Variants in WNK1 observed in about 807,000 individuals in gnomAD.
WNK1 encodes the protein serine/threonine-protein kinase WNK1.
In WNK1, 38 loss-of-function variants were observed where a neutral mutation model predicts 222.8. The ratio of observed to expected loss-of-function variants is 0.17; its 90% CI spans 0.13 to 0.22. The LOEUF (loss-of-function observed/expected upper bound fraction) is 0.22, where lower values mean the gene tolerates loss of function less well. WNK1 is among the 10% of genes least tolerant of loss of function. The pLI, the probability that WNK1 is intolerant of heterozygous loss-of-function variation, is 1.00. For synonymous variants in WNK1, 1,090 were observed against 1,092.9 expected, an observed-to-expected ratio of 1.00 and a Z score of 0.05; for missense variants, 2,348 against 2,918.4, an observed-to-expected ratio of 0.80 and a Z score of 4.50.
rs190872178 is a variant in WNK1 at position 900,821 on chromosome 12, G to A, written c.6643+151G>A. Reference sequence around the variant, plus strand: ...AAGAATCTGGGTGAAAAGGGAAGTGGAGTGATAATGAGAATCGGTGGGCTC... The same window carrying A: ...AAGAATCTGGGTGAAAAGGGAAGTGAAGTGATAATGAGAATCGGTGGGCTC... On this transcript the variant is annotated intron_variant, in intron 26 of 27. Transcript: ENST00000315939. 18 of 944,146 alleles carry A rather than the reference G, an allele frequency of 1.9e-5. No homozygotes were observed. In the East Asian group the frequency reaches 4.4e-4, roughly 23 times the overall value. The allele number at this position is 944,146 out of a possible 1,614,324, so 58.5% of individuals were successfully genotyped here.
chr12:816,119 G>A (rs1024078647), intron 2 of WNK1, among the ~76,000 whole-genome samples: 8 of 152,162 alleles, frequency 5.3e-5, no homozygotes, highest in Non-Finnish European at 1.0e-4. Context: ...TGAACTATCC[G>A]TGAAAAGAGA....
intron 20 of WNK1, among the ~76,000 whole-genome samples, chr12:887,617 T>G (rs1953795995): frequency 6.6e-6 from 1 of 152,164 alleles, no homozygotes; most frequent in African/African-American, 2.4e-5. Context: ...CTCACACTTC[T>G]GTAGAATAGC....
chr12:868,978 C>T, intron 8 of WNK1: 1 of 1,598,010 alleles, frequency 6.3e-7, no homozygotes, highest in Non-Finnish European at 8.5e-7. Flanking sequence ...TCTCAATGCC[C>T]TTTATCCATC....
At position 896,662 on chromosome 12, in the gene WNK1, A is replaced by G. The variant is rs1298904248; in HGVS notation, c.6175A>G (p.Met2059Val). Residue 2059 changes from methionine (M) to valine (V), a missense_variant, in exon 24 of 28, where the codon ATG becomes GTG. Met to Val is a conservative substitution (Grantham distance 21, BLOSUM62 1). This residue lies in a region of WNK1 where 1,144 missense variants were observed against 1,273.6 expected (regional missense o/e 0.90). Coordinates refer to ENST00000315939, the MANE Select transcript of WNK1 (RefSeq NM_018979.4). ...SLSNSFNSSY[M>V]SSDNESDIED... ...TAGTAATTCATTTAACTCCTCTTAC[A>G]TGAGTAGCGACAATGAGTCAGATAT... 3.1e-6 allele frequency: 5 copies of G among 1,610,290 alleles called. No individual in the cohort carries two copies. The highest frequency in any genetic ancestry group is 2.2e-5 in the East Asian group (1 of 44,852).
At chr12:867,689 A>G in intron 8 of WNK1, 1 of 702,904 alleles carries the variant, frequency 1.4e-6, no homozygotes. Context: ...TTGGCCCTGG[A>G]TGTATTTAAT....
At chr12:846,747 C>A (rs1235479664) in intron 4 of WNK1, among the ~76,000 whole-genome samples, 1 of 152,154 alleles carries the variant, frequency 6.6e-6, no homozygotes, top group Admixed American at 6.5e-5. Context: ...AAAAACAGAA[C>A]TAAAGCCATT....
chr12:884,308 T>A lies in WNK1; in HGVS notation c.3844+65T>A, dbSNP rs1953456119. The A allele has an allele frequency of 1.9e-6, 3 of 1,606,542 alleles. No individual in the cohort carries two copies. The highest frequency in any genetic ancestry group is 8.5e-7 in the Non-Finnish European group (1 of 1,174,252). ...CAGTGCCTCTGCTATGTTGAAAGCT[T>A]AATCATAAAGCAGTAATTTATGATG... is the stretch of plus-strand genomic sequence containing the variant. On this transcript the variant is annotated intron_variant, in intron 18 of 27. Coordinates refer to ENST00000315939, the MANE Select transcript of WNK1 (RefSeq NM_018979.4). The surrounding 1 kb of genome is among the most constrained non-coding windows in gnomAD (Gnocchi z 5.6).
rs1406280473 is a variant in WNK1, at chr12:827,087, C to G, written c.978C>G (p.Ser326Arg). ...FKVMKIKVLR[S>R]WCRQILKGLQ... ...TGATGAAGATCAAAGTTCTAAGAAG[C>G]TGGTGCCGTCAGATCCTTAAAGGTC... Residue 326 changes from serine to arginine, a missense_variant, in exon 3 of 28, where the codon AGC (serine) becomes AGG (arginine). This residue lies in a region of WNK1 where 57 missense variants were observed against 219.0 expected (regional missense o/e 0.26). Transcript: ENST00000315939. This position sits in a 1 kb window ranked among gnomAD's most constrained non-coding sequence, Gnocchi z 4.6. 1 of 1,614,054 alleles carries G rather than the reference C, an allele frequency of 6.2e-7. No homozygotes were observed. Among genetic ancestry groups the G allele is most frequent in the Admixed American group, 1.7e-5 (1 of 60,028 alleles).
chr12:885,425 G>C lies in WNK1; in HGVS notation c.4621G>C (p.Ala1541Pro). The C allele has an allele frequency of 6.2e-7, 1 of 1,613,552 alleles. No individual in the cohort carries two copies. Among genetic ancestry groups the C allele is most frequent in the South Asian group, 1.1e-5 (1 of 91,084 alleles). ...KTSHSSTTGL[A>P]FSLSAPSSSS... The stretch of plus-strand genomic sequence containing the variant: ...ATCTCATAGCAGTACAACTGGATTG[G>C]CTTTCTCCCTCTCTGCACCATCTTC... The change falls in exon 19 of 28, where the codon GCT (alanine) becomes CCT (proline). Residue 1541 changes from alanine to proline, a missense_variant. By Grantham distance (27) the Ala-to-Pro change is conservative (BLOSUM62 -1). Coordinates refer to ENST00000315939, the MANE Select transcript of WNK1 (RefSeq NM_018979.4).
intron 1 of WNK1, among the ~76,000 whole-genome samples, chr12:786,816 TAAAC>T (rs1486545081): frequency 6.6e-6 from 1 of 152,212 alleles, no homozygotes; most frequent in African/African-American, 2.4e-5. Context: ...TTCTTATAAA[TAAAC>T]AGTGTTTAGA....
At chr12:776,402 GTT>G (rs1195970872) in intron 1 of WNK1, among the ~76,000 whole-genome samples, 10 of 83,398 alleles carry the variant, frequency 1.2e-4, no homozygotes, top group Non-Finnish European at 2.4e-4. Context: ...CTCTGTGTGT[GTT>G]TGTGTGTTTG....
At chr12:778,763 T>TA (rs1288087312) in intron 1 of WNK1, among the ~76,000 whole-genome samples, 3 of 152,238 alleles carry the variant, frequency 2.0e-5, no homozygotes, top group Admixed American at 1.3e-4. Flanking sequence ...ACAGTACATG[T>TA]AAACTCTAGA....
intron 4 of WNK1, among the ~76,000 whole-genome samples, chr12:832,424 T>G (rs1948872566): frequency 6.6e-6 from 1 of 152,206 alleles, no homozygotes; most frequent in Non-Finnish European, 1.5e-5. Context: ...AAATTTTACC[T>G]CTTCATAAAG....
chr12:826,511 T>C (rs1948375160), intron 2 of WNK1, among the ~76,000 whole-genome samples: 2 of 152,254 alleles, frequency 1.3e-5, no homozygotes, highest in African/African-American at 4.8e-5. Flanking sequence ...CAACTATGAC[T>C]GATTTTGATT....
At chr12:857,083 A>G in intron 4 of WNK1, 78 bp from the exon 5 acceptor site, 2 of 1,468,920 alleles carry the variant, frequency 1.4e-6, no homozygotes, top group Non-Finnish European at 1.9e-6. Context: ...GGAACCTAAA[A>G]GAACCTTAAT....
At chr12:861,415 T>G in intron 7 of WNK1, 72 bp downstream of exon 7, 1 of 1,451,088 alleles carries the variant, frequency 6.9e-7, no homozygotes, top group Non-Finnish European at 9.6e-7. Flanking sequence ...CTTGTTATTT[T>G]GCACTGGCTT....
chr12:853,295 G>T (rs33954292), intron 4 of WNK1, among the ~76,000 whole-genome samples: 31,806 of 152,000 alleles, frequency 0.21, 3,547 homozygotes, highest in African/African-American at 0.27. Context: ...TATCTTTTGC[G>T]CAGTGAGTAT....
At chr12:854,247 A>G (rs1950607886) in intron 4 of WNK1, among the ~76,000 whole-genome samples, 1 of 151,364 alleles carries the variant, frequency 6.6e-6, no homozygotes, top group Non-Finnish European at 1.5e-5. Context: ...ACACACCTGT[A>G]GTCCCAGCTA....
rs141578102 is a variant in WNK1, at chr12:760,077, G to A, written c.759+5753G>A. On this transcript the variant is annotated intron_variant, in intron 1 of 27. Coordinates refer to ENST00000315939, the MANE Select transcript of WNK1 (RefSeq NM_018979.4). ...AGGTATTGATCTTTATGTTACTGGTGCTTTTAAATTCCTTAGCTCTACCTG... is the reference window on the plus strand; with the variant it reads ...AGGTATTGATCTTTATGTTACTGGTACTTTTAAATTCCTTAGCTCTACCTG... Among the ~76,000 whole-genome samples, 61 of 147,858 alleles carry A rather than the reference G, an allele frequency of 4.1e-4. 3 individuals are homozygous for A. Among genetic ancestry groups the A allele is most frequent in the Middle Eastern group, 3.5e-3 (1 of 282 alleles).
Sources: gnomAD v4.1 joint callset for allele counts (sites outside exome capture counted in the v4.1 genomes callset) on GRCh38, gnomAD v4.1.1 for gene constraint, gnomAD v4.1.1 regional missense constraint, Gnocchi (gnomAD v3.1) non-coding constraint, MANE v1.5 for transcripts, NCBI Gene and HGNC (gene_info 2026-07-23, HGNC 2026-07-21) for gene names.